Variants in UGT1A6 observed in about 807,000 individuals in gnomAD.
UGT1A6 encodes the protein UDP-glucuronosyltransferase 1A6.
Under a neutral mutation model 44.4 loss-of-function variants are expected in UGT1A6, and 32 were observed. The ratio of observed to expected loss-of-function variants is 0.72; its 90% CI spans 0.54 to 0.97. The LOEUF is 0.97. Ranked by LOEUF, UGT1A6 falls within the 50% of genes least tolerant of loss-of-function variation. UGT1A6 has a pLI of 0.00. For synonymous variants in UGT1A6, 238 were observed against 248.5 expected (o/e 0.96, Z 0.40); for missense variants, 685 against 661.9 (o/e 1.03, Z -0.38).
At chr2:233,695,228 C>G (rs530081428) in intron 1 of UGT1A6, among the ~76,000 whole-genome samples, 1 of 151,164 alleles carries the variant, frequency 6.6e-6, no homozygotes, top group Non-Finnish European at 1.5e-5. Flanking sequence ...TGGGTTCAAG[C>G]GATTCTCCTG....
chr2:233,732,704 T>C (rs2078302376), intron 1 of UGT1A6, among the ~76,000 whole-genome samples: 1 of 152,126 alleles, frequency 6.6e-6, no homozygotes. Flanking sequence ...GTTTTGTTAC[T>C]GTAGCCTTGT....
chr2:233,706,044 G>A (rs2075886174), intron 1 of UGT1A6, among the ~76,000 whole-genome samples: 1 of 152,138 alleles, frequency 6.6e-6, no homozygotes, highest in Admixed American at 6.5e-5. Context: ...GCAGTGAGCC[G>A]AGATCACGCC....
chr2:233,766,851 A>G (rs1202142571), intron 1 of UGT1A6, among the ~76,000 whole-genome samples, 183 bp from the exon 2 acceptor site: 1 of 152,234 alleles, frequency 6.6e-6, no homozygotes, highest in Non-Finnish European at 1.5e-5. Flanking sequence ...TTCCTCCTTT[A>G]GAAGGAAGTA....
chr2:233,728,342 G>A (rs1241528398), intron 1 of UGT1A6, among the ~76,000 whole-genome samples: 1 of 152,172 alleles, frequency 6.6e-6, no homozygotes, highest in Non-Finnish European at 1.5e-5. Flanking sequence ...CCAGTCCCTT[G>A]GTGAGCAGGA....
intron 1 of UGT1A6, among the ~76,000 whole-genome samples, chr2:233,759,538 A>G (rs1009544779): frequency 6.6e-6 from 1 of 152,036 alleles, no homozygotes; most frequent in Non-Finnish European, 1.5e-5. Context: ...TTCTGTTCAC[A>G]TGCGCTCCAG....
rs886044684 is a variant in UGT1A6 at position 233,767,925 on chromosome 2, A to G, written c.1070A>G (p.Asn357Ser). The G allele has an allele frequency of 1.2e-6, 2 of 1,614,156 alleles. No homozygotes were observed. Among genetic ancestry groups the G allele is most frequent in the Non-Finnish European group, 1.7e-6 (2 of 1,180,038 alleles). The change falls in exon 3 of 5, where the codon AAC (asparagine) becomes AGC (serine). Residue 357 changes from asparagine (N) to serine (S), a missense_variant. Transcript: ENST00000305139. ...ATACTTGTTAAGTGGCTACCCCAAA[A>G]CGATCTGCTTGGTATGTTGGGCGGA... ...NTILVKWLPQ[N>S]DLLGHPMTRA...
chr2:233,756,052 G>C (rs1468615948), intron 1 of UGT1A6: 2 of 152,164 alleles, frequency 1.3e-5, no homozygotes, highest in Non-Finnish European at 2.9e-5. Flanking sequence ...AAACTCCACT[G>C]TACACTTGTG....
chr2:233,758,540 T>C (rs145954073), intron 1 of UGT1A6, among the ~76,000 whole-genome samples: 1 of 152,348 alleles, frequency 6.6e-6, no homozygotes, highest in Non-Finnish European at 1.5e-5. Flanking sequence ...GCTATGTCTA[T>C]TCTGCTTGCC....
intron 1 of UGT1A6, among the ~76,000 whole-genome samples, chr2:233,696,717 C>G (rs1315267441): frequency 2.0e-5 from 3 of 152,058 alleles, no homozygotes; most frequent in Non-Finnish European, 4.4e-5. Context: ...TTTAGAGGAA[C>G]AGTTTTCAGT....
rs904896556 is a variant in UGT1A6, at chr2:233,757,560, A to ATATATATG, written c.862-9473_862-9472insATATATGT. On this transcript the variant is annotated intron_variant, in intron 1 of 4. Coordinates refer to ENST00000305139, the MANE Select transcript of UGT1A6 (RefSeq NM_001072.4). ...AATATATATATATATATATATATAT[A>ATATATATG]TGTATATATGATATAGCTATAGTCT... is the stretch of plus-strand genomic sequence containing the variant. 5.4e-4 allele frequency among the ~76,000 whole-genome samples: 66 copies of ATATATATG among 123,154 alleles called. 2 individuals are homozygous for ATATATATG. Among genetic ancestry groups the ATATATATG allele is most frequent in the African/African-American group, 2.2e-3 (65 of 29,360 alleles). The allele number at this position is 123,154 out of a possible 152,430, so 80.8% of individuals were successfully genotyped here. A position where few individuals can be genotyped will look rare whatever the true frequency, so the allele number is the denominator to read the frequency against.
intron 1 of UGT1A6, among the ~76,000 whole-genome samples, chr2:233,698,248 C>A (rs1559349611): frequency 6.6e-6 from 1 of 152,096 alleles, no homozygotes; most frequent in Non-Finnish European, 1.5e-5. Flanking sequence ...AATAGAATTT[C>A]TTTTGTCCAA....
chr2:233,728,301 G>T (rs1339327162), intron 1 of UGT1A6, among the ~76,000 whole-genome samples: 6 of 152,216 alleles, frequency 3.9e-5, no homozygotes, highest in Non-Finnish European at 8.8e-5. Context: ...AATTCAGACT[G>T]TGCAAGATCT....
intron 4 of UGT1A6, 146 bp from the exon 5 acceptor site, chr2:233,772,116 A>C (rs1430946734): frequency 1.3e-6 from 2 of 1,531,304 alleles, no homozygotes; most frequent in Non-Finnish European, 1.8e-6. Flanking sequence ...CTGTATCTAA[A>C]AACAACAACA....
rs377204506 is a variant in UGT1A6 at position 233,718,901 on chromosome 2, G to C, written c.861+25036G>C. ...TCCTCAGTGTCCAGCCCTGGGCTGAGAGTGGAAAGGTGTTGGTGGTGCCCA... is the reference window on the plus strand; with the variant it reads ...TCCTCAGTGTCCAGCCCTGGGCTGACAGTGGAAAGGTGTTGGTGGTGCCCA... On this transcript the variant is annotated intron_variant, in intron 1 of 4. Transcript: ENST00000305139. 43 of 1,613,936 alleles carry C rather than the reference G, an allele frequency of 2.7e-5. No individual in the cohort carries two copies. Among genetic ancestry groups the C allele is most frequent in the Non-Finnish European group, 3.6e-5 (43 of 1,179,928 alleles).
At chr2:233,711,610 G>C (rs1267799055) in intron 1 of UGT1A6, among the ~76,000 whole-genome samples, 1 of 152,160 alleles carries the variant, frequency 6.6e-6, no homozygotes, top group Non-Finnish European at 1.5e-5. Flanking sequence ...GCGCCCTCTG[G>C]TGGACAGCTC....
At position 233,749,723 on chromosome 2, in the gene UGT1A6, C is replaced by T. The variant is rs564280843; in HGVS notation, c.862-17311C>T. On this transcript the variant is annotated intron_variant, in intron 1 of 4. Coordinates refer to ENST00000305139, the MANE Select transcript of UGT1A6 (RefSeq NM_001072.4). ...GGTGATTGGATCATGGGGGCAGTTT[C>T]GCACCTGCTGGTCTCATCATAGTGA... 3.3e-5 allele frequency among the ~76,000 whole-genome samples: 5 copies of T among 151,978 alleles called. No individual in the cohort carries two copies. The South Asian group carries it at 6.2e-4, about 19-fold the overall frequency.
At chr2:233,747,138 G>A in intron 1 of UGT1A6, 1 of 1,552,384 alleles carries the variant, frequency 6.4e-7, no homozygotes. Context: ...CAGTGACAAG[G>A]TAATTAAGAT....
Position 233,743,742 on chromosome 2 carries a change from C to A in UGT1A6, c.862-23292C>A, listed in dbSNP as rs377755645. 6 of 1,367,276 alleles carry A rather than the reference C, an allele frequency of 4.4e-6. No individual in the cohort carries two copies. The Admixed American group carries it at 1.1e-4, about 26-fold the overall frequency. The allele number at this position is 1,367,276 out of a possible 1,614,324, so 84.7% of individuals were successfully genotyped here. ...CGGTCATAGATATCGCGTTTCTTGG[C>A]GTCCGACAACACCTCGTAGGCCTCG... On this transcript the variant is annotated intron_variant, in intron 1 of 4. Coordinates refer to ENST00000305139, the MANE Select transcript of UGT1A6 (RefSeq NM_001072.4).
intron 2 of UGT1A6, among the ~76,000 whole-genome samples, chr2:233,767,609 C>G (rs1559414231): frequency 6.6e-6 from 1 of 152,118 alleles, no homozygotes; most frequent in Admixed American, 6.6e-5. Flanking sequence ...TGAAAAAATC[C>G]TAAGTGCACA....
Sources: allele counts gnomAD v4.1 joint callset (sites outside exome capture counted in the v4.1 genomes callset), GRCh38; gene constraint gnomAD v4.1.1; transcripts MANE v1.5; gene names NCBI Gene and HGNC (gene_info 2026-07-23, HGNC 2026-07-21).